The following ROBO2 variants were observed in gnomAD, a reference collection of about 807,000 sequenced individuals.
ROBO2 encodes the protein roundabout homolog 2.
In ROBO2, 53 loss-of-function variants were observed where a neutral mutation model predicts 160.8. That is an observed-to-expected ratio of 0.33 (90% CI 0.26 to 0.41). The LOEUF (loss-of-function observed/expected upper bound fraction) is 0.41. ROBO2 is among the 10% of genes least tolerant of loss of function. The pLI is 1.00. For missense variants in ROBO2, 1,577 were observed against 1,722.4 expected (o/e 0.92, Z 1.49); for synonymous variants, 664 against 611.7 (o/e 1.09, Z -1.26).
chr3:77,110,551 A>G (rs940434932), intron 2 of ROBO2, among the ~76,000 whole-genome samples: 34 of 151,610 alleles, frequency 2.2e-4, no homozygotes, highest in African/African-American at 8.2e-4. Flanking sequence ...AAAAATATAA[A>G]TGAACAGAAC....
chr3:76,741,235 T>A (rs2093797076), intron 2 of ROBO2, among the ~76,000 whole-genome samples: 1 of 151,972 alleles, frequency 6.6e-6, no homozygotes. Context: ...CAAATCCAGA[T>A]AAAAATTTCC....
chr3:76,224,490 G>A (rs1229430478), intron 2 of ROBO2, among the ~76,000 whole-genome samples: 2 of 152,116 alleles, frequency 1.3e-5, no homozygotes, highest in Non-Finnish European at 2.9e-5. Flanking sequence ...GGCTCGTAAT[G>A]GATTGGATGA....
chr3:77,060,253 C>T (rs1366817869), intron 1 of ROBO2, among the ~76,000 whole-genome samples: 14 of 152,112 alleles, frequency 9.2e-5, no homozygotes, highest in African/African-American at 3.4e-4. Context: ...GAAATTATGC[C>T]AGGCTACCCA....
At chr3:77,082,055 T>C (rs533252652) in intron 1 of ROBO2, among the ~76,000 whole-genome samples, 4 of 152,330 alleles carry the variant, frequency 2.6e-5, no homozygotes, top group African/African-American at 7.2e-5. Flanking sequence ...GTATTTCTAA[T>C]TGTATACTAA....
At chr3:77,602,600 T>G in intron 20 of ROBO2, 109 bp downstream of exon 21, 1 of 1,321,462 alleles carries the variant, frequency 7.6e-7, no homozygotes, top group Non-Finnish European at 1.1e-6. Context: ...GTTTACTACC[T>G]AAACTAAAAA....
intron 2 of ROBO2, among the ~76,000 whole-genome samples, chr3:76,305,387 CAAAAAAAAAAAAAAAAA>C (rs1166858558): frequency 9.1e-3 from 188 of 20,684 alleles, no homozygotes; most frequent in Middle Eastern, 0.067. Flanking sequence ...CAAGATCTGT[CAAAAAAAAAAAAAAAAA>C]AAAAAAAAAA....
chr3:76,487,090 C>T (rs956889858), intron 2 of ROBO2, among the ~76,000 whole-genome samples: 7 of 152,120 alleles, frequency 4.6e-5, no homozygotes, highest in Admixed American at 6.6e-5. Context: ...CTGCCACAGC[C>T]TCTCGGGTGG....
chr3:76,214,816 C>T (rs1030874144), intron 2 of ROBO2, among the ~76,000 whole-genome samples: 16 of 152,198 alleles, frequency 1.1e-4, no homozygotes, highest in African/African-American at 3.1e-4. Context: ...AGAGAGAAGT[C>T]GTTCTCCCAG....
At chr3:76,276,664 A>C (rs1223388078) in intron 2 of ROBO2, among the ~76,000 whole-genome samples, 1 of 152,052 alleles carries the variant, frequency 6.6e-6, no homozygotes, top group Admixed American at 6.6e-5. Context: ...CACGTTGCTT[A>C]AATGAAGAAA....
chr3:77,448,348 C>A (rs2080777717), intron 2 of ROBO2, among the ~76,000 whole-genome samples: 1 of 152,116 alleles, frequency 6.6e-6, no homozygotes, highest in South Asian at 2.1e-4. Context: ...CAACTACCTA[C>A]AAATGTAAAC....
intron 2 of ROBO2, among the ~76,000 whole-genome samples, chr3:76,496,423 C>T (rs559929105): frequency 1.5e-4 from 23 of 152,308 alleles, no homozygotes; most frequent in Admixed American, 1.4e-3. Context: ...TTTGTGAATG[C>T]CTCAGATTCT....
intron 2 of ROBO2, among the ~76,000 whole-genome samples, chr3:77,402,656 T>C (rs983814010): frequency 6.6e-6 from 1 of 151,856 alleles, no homozygotes; most frequent in Non-Finnish European, 1.5e-5. Flanking sequence ...GAAGAATGCC[T>C]CAAGTGAGCG....
chr3:76,013,611 T>G (rs2066282231), intron 2 of ROBO2, among the ~76,000 whole-genome samples: 2 of 150,734 alleles, frequency 1.3e-5, no homozygotes, highest in South Asian at 4.2e-4. Flanking sequence ...CCAGAAGTAA[T>G]ATGTATAAAG....
At chr3:77,031,529 T>C (rs1165900488) in intron 2 of ROBO2, among the ~76,000 whole-genome samples, 1 of 146,400 alleles carries the variant, frequency 6.8e-6, no homozygotes, top group Non-Finnish European at 1.5e-5. Flanking sequence ...CTATATAATA[T>C]ATTCATTTGT....
chr3:77,358,159 T>G (rs1287765455), intron 2 of ROBO2, among the ~76,000 whole-genome samples: 1 of 152,100 alleles, frequency 6.6e-6, no homozygotes, highest in Non-Finnish European at 1.5e-5. Context: ...AATTCTGGAG[T>G]CTAGAAGTTT....
intron 2 of ROBO2, among the ~76,000 whole-genome samples, chr3:77,368,190 G>A (rs144421505): frequency 0.011 from 1,704 of 152,080 alleles, 21 homozygotes; most frequent in East Asian, 0.015. Flanking sequence ...TGCTTTGTCT[G>A]TATTAAATTT....
chr3:76,331,828 C>T (rs1176812172), intron 2 of ROBO2, among the ~76,000 whole-genome samples: 5 of 151,926 alleles, frequency 3.3e-5, no homozygotes, highest in Middle Eastern at 3.4e-3. Context: ...GGACTACAGG[C>T]GCCCACCACT....
intron 4 of ROBO2, among the ~76,000 whole-genome samples, chr3:77,487,131 A>G (rs1481311291): frequency 6.6e-6 from 1 of 152,150 alleles, no homozygotes; most frequent in Non-Finnish European, 1.5e-5. Context: ...AGATAACGCT[A>G]TGAGAGAAGA....
At position 76,408,018 on chromosome 3, in the gene ROBO2, C is replaced by T. The variant is rs542541212; in HGVS notation, c.109+470416C>T. On this transcript the variant is annotated intron_variant, in intron 2 of 26. Transcript: ENST00000487694. ...TGTGTGGCCCAAGACAATTTTTCTT[C>T]TTCCAGTGGGGCCCAGGGAAGCCAA... is the stretch of plus-strand genomic sequence containing the variant. Among the ~76,000 whole-genome samples the T allele has an allele frequency of 1.4e-4, 22 of 152,076 alleles. No homozygotes were observed. In the East Asian group the frequency reaches 4.3e-3, roughly 29 times the overall value.
Sources: gnomAD v4.1 joint callset for allele counts (sites outside exome capture counted in the v4.1 genomes callset) on GRCh38, gnomAD v4.1.1 for gene constraint, MANE v1.5 for transcripts, NCBI Gene and HGNC (gene_info 2026-07-23, HGNC 2026-07-21) for gene names.